FGF14: variants seen among roughly 807,000 people sequenced by gnomAD.
FGF14 encodes the protein fibroblast growth factor 14, also known as fibroblast growth factor homologous factor 4.
FGF14 carries 5 observed loss-of-function variants against 25.5 expected under a neutral mutation model. That is an observed-to-expected ratio of 0.20 (90% confidence interval 0.10 to 0.41). FGF14 has a LOEUF of 0.41. Among genes scored for constraint, FGF14 ranks in the 10% least tolerant of loss-of-function variants. The probability of loss-of-function intolerance (pLI) is 1.00; values close to 1 mark genes in which losing one functional copy is unlikely to be tolerated. For synonymous variants in FGF14, 138 were observed against 118.3 expected, an observed-to-expected ratio of 1.17 and a Z score of -1.08; for missense variants, 222 against 320.1, an observed-to-expected ratio of 0.69 and a Z score of 2.34.
At chr13:102,025,689 G>A (rs2040887208) in intron 1 of FGF14, among the ~76,000 whole-genome samples, 1 of 152,068 alleles carries the variant, frequency 6.6e-6, no homozygotes, top group Non-Finnish European at 1.5e-5. Context: ...GATTACAGGA[G>A]TGAGCCACTG....
chr13:101,838,358 G>A (rs907546045), intron 3 of FGF14, among the ~76,000 whole-genome samples: 2 of 151,968 alleles, frequency 1.3e-5, no homozygotes, highest in East Asian at 1.9e-4. Context: ...TGGAGACAGC[G>A]GGCTCCCCTG....
intron 1 of FGF14, among the ~76,000 whole-genome samples, chr13:102,178,595 G>A (rs868430079): frequency 2.6e-4 from 40 of 152,002 alleles, no homozygotes; most frequent in African/African-American, 8.9e-4. Flanking sequence ...CTATGTCCAC[G>A]TGTACACGTT....
At chr13:101,750,999 A>T (rs2037233792) in intron 3 of FGF14, among the ~76,000 whole-genome samples, 1 of 152,072 alleles carries the variant, frequency 6.6e-6, no homozygotes, top group South Asian at 2.1e-4. Flanking sequence ...AGACAGTAAA[A>T]ATATCAGTGG....
At chr13:101,783,507 C>CTT (rs1232486901) in intron 3 of FGF14, among the ~76,000 whole-genome samples, 1 of 151,382 alleles carries the variant, frequency 6.6e-6, no homozygotes, top group Non-Finnish European at 1.5e-5. Context: ...CCTTTGCCCA[C>CTT]TTTTTAATGG....
intron 1 of FGF14, among the ~76,000 whole-genome samples, chr13:102,345,349 C>T (rs887206766): frequency 1.3e-5 from 2 of 152,138 alleles, no homozygotes; most frequent in Non-Finnish European, 1.5e-5. Context: ...AAAGCAAATG[C>T]GATGATGAGT....
At chr13:102,307,031 C>T (rs2055424194) in intron 1 of FGF14, among the ~76,000 whole-genome samples, 1 of 151,940 alleles carries the variant, frequency 6.6e-6, no homozygotes, top group Non-Finnish European at 1.5e-5. Context: ...TAAAGTGGGC[C>T]CAGTTCAATC....
At chr13:101,958,727 A>T (rs1278693563) in intron 1 of FGF14, among the ~76,000 whole-genome samples, 3 of 152,210 alleles carry the variant, frequency 2.0e-5, no homozygotes, top group Non-Finnish European at 4.4e-5. Flanking sequence ...CAATCTCAGA[A>T]CATATGCACC....
chr13:102,370,950 AC>A (rs959844547), intron 1 of FGF14, among the ~76,000 whole-genome samples: 4 of 151,570 alleles, frequency 2.6e-5, no homozygotes, highest in Non-Finnish European at 4.4e-5. Context: ...AAAAAAAAAA[AC>A]CAACAGAAAA....
chr13:102,064,650 A>T (rs1246111820), intron 1 of FGF14, among the ~76,000 whole-genome samples: 1 of 152,090 alleles, frequency 6.6e-6, no homozygotes, highest in African/African-American at 2.4e-5. Flanking sequence ...TCTTTTAATG[A>T]TATAGTTGGC....
At position 101,875,224 on chromosome 13, in the gene FGF14, C is replaced by G. The variant is rs979512689; in HGVS notation, c.266G>C (p.Gly89Ala). The G allele has an allele frequency of 6.2e-7, 1 of 1,613,338 alleles. No homozygotes were observed. The highest frequency in any genetic ancestry group is 8.5e-7 in the Non-Finnish European group (1 of 1,179,552). The change falls in exon 2 of 5, where the codon GGA becomes GCA. Residue 89 changes from glycine to alanine, a missense_variant. Around this residue, in one of 5 missense-constraint regions of FGF14, gnomAD observed 50 missense variants for 75.2 expected, o/e 0.66. Transcript: ENST00000376143. ...QGYYLQMHPD[G>A]ALDGTKDDST... ...GTCATCCTTGGTTCCATCGAGAGCT[C>G]CATCGGGGTGCATTTGCAAGTAGTA...
intron 1 of FGF14, among the ~76,000 whole-genome samples, chr13:102,253,014 G>A (rs900667875): frequency 1.3e-5 from 2 of 152,138 alleles, no homozygotes; most frequent in Non-Finnish European, 1.5e-5. Flanking sequence ...ATTTTTTATG[G>A]CTGCATAGTA....
At chr13:102,366,065 G>A (rs77696477) in intron 1 of FGF14, among the ~76,000 whole-genome samples, 4,072 of 152,200 alleles carry the variant, frequency 0.027, 66 homozygotes, top group South Asian at 0.046. Context: ...GGCATCAATG[G>A]TTAGTGAAAA....
rs2035081318 is a variant in FGF14 at position 101,722,834 on chromosome 13, T to A, written c.741A>T (p.Thr247=). ...CACAACACCTGTGAGGATCTGGCTATGTTGTCTTACTCTTGTTGACTGGTT... is the reference window on the plus strand; with the variant it reads ...CACAACACCTGTGAGGATCTGGCTAAGTTGTCTTACTCTTGTTGACTGGTT... ...GGKPVNKSKT[T] is the part of the protein sequence containing the mutation. Residue 247 remains threonine, a synonymous_variant, in exon 5 of 5, where the codon ACA becomes ACT. Coordinates refer to ENST00000376143, the MANE Select transcript of FGF14 (RefSeq NM_004115.4). The A allele has an allele frequency of 6.2e-7, 1 of 1,613,276 alleles. No individual in the cohort carries two copies. The highest frequency in any genetic ancestry group is 8.5e-7 in the Non-Finnish European group (1 of 1,179,500).
At chr13:102,164,958 G>A (rs2047934279) in intron 1 of FGF14, among the ~76,000 whole-genome samples, 1 of 152,152 alleles carries the variant, frequency 6.6e-6, no homozygotes, top group Non-Finnish European at 1.5e-5. Context: ...AGCAAGAAGG[G>A]AGAATTAATG....
intron 1 of FGF14, among the ~76,000 whole-genome samples, chr13:102,101,308 A>C (rs1299500297): frequency 6.6e-6 from 1 of 152,194 alleles, no homozygotes; most frequent in Non-Finnish European, 1.5e-5. Context: ...TATTTCATAA[A>C]TTTAACTATT....
intron 1 of FGF14, among the ~76,000 whole-genome samples, chr13:101,928,395 G>GGTGT (rs149758126): frequency 1.7e-3 from 245 of 148,028 alleles, no homozygotes; most frequent in Middle Eastern, 3.5e-3. Context: ...AACTTGCTGT[G>GGTGT]GTGTGTGTGT....
intron 1 of FGF14, among the ~76,000 whole-genome samples, chr13:102,062,477 A>G (rs2042731577): frequency 6.6e-6 from 1 of 152,164 alleles, no homozygotes; most frequent in East Asian, 1.9e-4. Flanking sequence ...ACTTCTCTAC[A>G]CCATACTCAA....
chr13:101,720,022 T>C lies in FGF14; in HGVS notation c.*2809A>G, dbSNP rs1005254645. The C allele has an allele frequency of 6.6e-6, 1 of 152,200 alleles. No homozygotes were observed. Among genetic ancestry groups the C allele is most frequent in the African/African-American group, 2.4e-5 (1 of 41,462 alleles). 9.4% of individuals were successfully genotyped at this position (152,200 alleles called of 1,614,324 possible). A position where few individuals can be genotyped will look rare whatever the true frequency, so the allele number is the denominator to read the frequency against. ...ATTGGTGAGTAATGCAATGCCATTT[T>C]GTTACATAAAGTTGTTTGATGTTTT... On this transcript the variant is annotated 3_prime_UTR_variant, in exon 5 of 5. Transcript: ENST00000376143.
At chr13:102,250,030 T>A (rs144462947) in intron 1 of FGF14, among the ~76,000 whole-genome samples, 211 of 152,220 alleles carry the variant, frequency 1.4e-3, no homozygotes, top group African/African-American at 5.0e-3. Context: ...CCTGCCTATG[T>A]AAGAAGACCA....
Sources: gnomAD v4.1 joint callset for allele counts (sites outside exome capture counted in the v4.1 genomes callset) on GRCh38, gnomAD v4.1.1 for gene constraint, gnomAD v4.1.1 regional missense constraint, MANE v1.5 for transcripts, NCBI Gene and HGNC (gene_info 2026-07-23, HGNC 2026-07-21) for gene names.